The following STK3 variants were observed in gnomAD, a reference collection of about 807,000 sequenced individuals.
STK3 encodes serine/threonine kinase 3, also known as serine/threonine-protein kinase 3.
A neutral mutation model predicts 58.0 loss-of-function variants in STK3; 41 were observed. The observed-to-expected ratio is 0.71, with a 90% CI of 0.55 to 0.92. The LOEUF (loss-of-function observed/expected upper bound fraction) is 0.92, where lower values mean the gene tolerates loss of function less well. STK3 is among the 40% of genes least tolerant of loss of function. The pLI is 0.00. For synonymous variants in STK3, 170 were observed against 191.0 expected, an observed-to-expected ratio of 0.89 and a Z score of 0.91; for missense variants, 479 against 602.7, an observed-to-expected ratio of 0.79 and a Z score of 2.15.
intron 10 of STK3, among the ~76,000 whole-genome samples, chr8:98,503,513 G>A (rs201970452): frequency 5.9e-5 from 9 of 152,124 alleles, no homozygotes; most frequent in Admixed American, 2.6e-4. Context: ...ATTTTAGATC[G>A]TTCCTGCTTT....
intron 9 of STK3, among the ~76,000 whole-genome samples, chr8:98,537,301 T>C (rs981026762): frequency 6.6e-6 from 1 of 152,194 alleles, no homozygotes; most frequent in African/African-American, 2.4e-5. Flanking sequence ...TAAAAAACAA[T>C]TTTTAAAAAA....
At chr8:98,732,680 T>C (rs148932616) in intron 4 of STK3, among the ~76,000 whole-genome samples, 32 of 150,736 alleles carry the variant, frequency 2.1e-4, no homozygotes, top group Non-Finnish European at 3.7e-4. Flanking sequence ...AACCCAAGAG[T>C]CAAGTGAAAA....
At chr8:98,402,737 T>C (rs1817956224) in intron 3 of STK3, among the ~76,000 whole-genome samples, 1 of 152,196 alleles carries the variant, frequency 6.6e-6, no homozygotes, top group Non-Finnish European at 1.5e-5. Context: ...CAGTCTGTGC[T>C]TGTTCCCTCA....
intron 6 of STK3, among the ~76,000 whole-genome samples, chr8:98,645,459 A>G (rs1000948765): frequency 1.3e-5 from 2 of 152,210 alleles, no homozygotes; most frequent in African/African-American, 2.4e-5. Flanking sequence ...AAGTATATAA[A>G]GTTGCTATAG....
At chr8:98,855,187 T>C (rs1393807336) in intron 3 of STK3, among the ~76,000 whole-genome samples, 1 of 152,244 alleles carries the variant, frequency 6.6e-6, no homozygotes, top group Non-Finnish European at 1.5e-5. Flanking sequence ...TAAATTCATA[T>C]AGAGTTCAAG....
At chr8:98,671,471 A>G (rs570273826) in intron 6 of STK3, among the ~76,000 whole-genome samples, 38 of 152,364 alleles carry the variant, frequency 2.5e-4, no homozygotes, top group Non-Finnish European at 4.4e-4. Flanking sequence ...AGCAGGAAAT[A>G]AAATATTTTA....
chr8:98,420,664 G>A (rs1262513142), intron 3 of STK3, among the ~76,000 whole-genome samples: 2 of 152,090 alleles, frequency 1.3e-5, no homozygotes, highest in Non-Finnish European at 2.9e-5. Context: ...GGGCAGATTT[G>A]GATACCACAG....
chr8:98,413,884 A>G lies in STK3; in HGVS notation n.484-12371T>C, dbSNP rs16896989. Reference sequence around the variant, plus strand: ...GTGTCAAGAGGGAGTTTTCGTAGGCATCCTCCATTTAACTGGTTCACAGGG... The same window carrying G: ...GTGTCAAGAGGGAGTTTTCGTAGGCGTCCTCCATTTAACTGGTTCACAGGG... On this transcript the variant is annotated intron_variant and non_coding_transcript_variant, in intron 3 of 3. Coordinates refer to the STK3 transcript ENST00000517832. 1,670 of 478,788 alleles carry G rather than the reference A, an allele frequency of 3.5e-3. 28 individuals are homozygous for G. Among genetic ancestry groups the G allele is most frequent in the African/African-American group, 0.03 (1,540 of 50,498 alleles). 29.7% of individuals were successfully genotyped at this position (478,788 alleles called of 1,614,324 possible). A position where few individuals can be genotyped will look rare whatever the true frequency, so the allele number is the denominator to read the frequency against.
At chr8:98,898,106 A>G (rs997955186) in intron 1 of STK3, among the ~76,000 whole-genome samples, 1 of 152,178 alleles carries the variant, frequency 6.6e-6, no homozygotes, top group African/African-American at 2.4e-5. Flanking sequence ...GAGAAGAAGC[A>G]CTCAGATTAC....
intron 10 of STK3, among the ~76,000 whole-genome samples, chr8:98,492,394 G>A (rs1308770694): frequency 6.6e-6 from 1 of 152,198 alleles, no homozygotes; most frequent in Non-Finnish European, 1.5e-5. Flanking sequence ...TGTGTTAGAA[G>A]TATATTTAAT....
downstream of STK3, among the ~76,000 whole-genome samples, chr8:98,452,209 A>T (rs1440623878): frequency 1.3e-5 from 2 of 152,204 alleles, no homozygotes; most frequent in Admixed American, 6.5e-5. Flanking sequence ...TCCTTCAGTG[A>T]GTAGAGCATG....
chr8:98,873,408 C>G (rs1338655820), intron 3 of STK3, among the ~76,000 whole-genome samples: 1 of 152,152 alleles, frequency 6.6e-6, no homozygotes, highest in African/African-American at 2.4e-5. Context: ...AACTTTCTGT[C>G]TTGTTGATCT....
At chr8:98,613,627 C>T (rs972766385) in intron 6 of STK3, among the ~76,000 whole-genome samples, 22 of 151,258 alleles carry the variant, frequency 1.5e-4, no homozygotes, top group Non-Finnish European at 2.4e-4. Context: ...TAAAAAAAAT[C>T]AAGTAACCCA....
Position 98,430,243 on chromosome 8 carries a change from C to T in STK3, n.483+3884G>A, listed in dbSNP as rs974645525. The T allele has an allele frequency of 6.0e-5, 10 of 167,004 alleles. No homozygotes were observed. In the East Asian group the frequency reaches 1.5e-3, roughly 26 times the overall value. The allele number at this position is 167,004 out of a possible 1,614,324, so 10.3% of individuals were successfully genotyped here. A position where few individuals can be genotyped will look rare whatever the true frequency, so the allele number is the denominator to read the frequency against. ...GCCCCTTGGTTCACAGTCAAGCCTC[C>T]TTGTTTCCTAGGGTGACTGTAGAGA... On this transcript the variant is annotated intron_variant and non_coding_transcript_variant, in intron 3 of 3. Coordinates refer to the STK3 transcript ENST00000517832.
chr8:98,668,142 A>C (rs954184542), intron 6 of STK3, among the ~76,000 whole-genome samples: 1 of 152,158 alleles, frequency 6.6e-6, no homozygotes, highest in Non-Finnish European at 1.5e-5. Flanking sequence ...AAAACTGTTT[A>C]AGATTCTTTC....
chr8:98,743,355 C>T (rs1489719941), intron 4 of STK3, among the ~76,000 whole-genome samples: 1 of 151,602 alleles, frequency 6.6e-6, no homozygotes, highest in East Asian at 1.9e-4. Flanking sequence ...CTACAGTAAC[C>T]AAAACAGCAT....
chr8:98,604,882 A>C (rs866206891), intron 6 of STK3, among the ~76,000 whole-genome samples: 2 of 152,356 alleles, frequency 1.3e-5, no homozygotes, highest in Middle Eastern at 3.4e-3. Flanking sequence ...TTTACTGCTT[A>C]GAAATTTCTT....
rs1427248002 is a variant in STK3, at chr8:98,749,298, A to G, written c.329T>C (p.Ile110Thr). 1 of 1,605,906 alleles carries G rather than the reference A, an allele frequency of 6.2e-7. No individual in the cohort carries two copies. Among genetic ancestry groups the G allele is most frequent in the Non-Finnish European group, 8.5e-7 (1 of 1,175,868 alleles). Residue 110 changes from isoleucine to threonine, a missense_variant, in exon 4 of 11, where the codon ATA becomes ACA. Ile to Thr is a moderately conservative substitution (Grantham distance 89). This residue lies in a region of STK3 where 126 missense variants were observed against 210.1 expected (regional missense o/e 0.60). Transcript: ENST00000419617. The part of the protein sequence containing the change: ...EYCGAGSVSD[I>T]IRLRNKTLIE... ...TACTGTCTTGTTTCGTAATCTAATT[A>G]TGTCTGAGACAGAGCCAGCGCCACA...
At chr8:98,933,271 G>A (rs879926239) in intron 1 of STK3, among the ~76,000 whole-genome samples, 7 of 152,142 alleles carry the variant, frequency 4.6e-5, no homozygotes, top group East Asian at 1.9e-4. Context: ...CTAAAAAAGC[G>A]AAATACATTT....
Sources: allele counts gnomAD v4.1 joint callset (sites outside exome capture counted in the v4.1 genomes callset), GRCh38; gene constraint gnomAD v4.1.1; regional missense constraint gnomAD v4.1.1; transcripts MANE v1.5; gene names NCBI Gene and HGNC (gene_info 2026-07-23, HGNC 2026-07-21).